The following KDM2B variants were observed in gnomAD, a reference collection of about 807,000 sequenced individuals.
KDM2B encodes the protein lysine-specific demethylase 2B.
A neutral mutation model predicts 150.0 loss-of-function variants in KDM2B; 26 were observed. The ratio of observed to expected loss-of-function variants is 0.17; its 90% CI spans 0.13 to 0.24. KDM2B has a LOEUF of 0.24. Among genes scored for constraint, KDM2B ranks in the 10% least tolerant of loss-of-function variants. The pLI is 1.00. For missense variants in KDM2B, 1,265 were observed against 1,816.9 expected, an observed-to-expected ratio of 0.70 and a Z score of 5.52; for synonymous variants, 734 against 729.5, an observed-to-expected ratio of 1.01 and a Z score of -0.10.
Position 121,453,331 on chromosome 12 carries a change from C to G in KDM2B, c.1748G>C (p.Gly583Ala). 6.3e-7 allele frequency: 1 copy of G among 1,580,702 alleles called. No homozygotes were observed. Among genetic ancestry groups the G allele is most frequent in the Non-Finnish European group, 8.6e-7 (1 of 1,163,086 alleles). ...PKKTPKNRAVGRPKGKLGPAS... is the reference protein window; with the variant it reads ...PKKTPKNRAVARPKGKLGPAS... ...CGGGCCCAGCTTCCCCTTGGGCCGA[C>G]CCACAGCCCGGTTCTGCAGGGGAAC... The change falls in exon 13 of 23, where the codon GGT becomes GCT. Residue 583 changes from glycine (G) to alanine (A), a missense_variant. By Grantham distance (60) the Gly-to-Ala change is moderately conservative (BLOSUM62 0). Coordinates refer to ENST00000377071, the MANE Select transcript of KDM2B (RefSeq NM_032590.5). The surrounding 1 kb of genome is among the most constrained non-coding windows in gnomAD (Gnocchi z 6.4).
chr12:121,482,427 T>C (rs1463257116), intron 12 of KDM2B, among the ~76,000 whole-genome samples: 8 of 152,168 alleles, frequency 5.3e-5, no homozygotes, highest in East Asian at 1.9e-4. Flanking sequence ...CTCAGCCTCC[T>C]GGGTAGCTGG....
chr12:121,538,677 C>G (rs1322203953), intron 6 of KDM2B, among the ~76,000 whole-genome samples: 3 of 152,208 alleles, frequency 2.0e-5, no homozygotes, highest in East Asian at 3.9e-4. Flanking sequence ...CACAACAACC[C>G]TAAAAAGTCA....
chr12:121,480,578 G>A (rs10849892), intron 12 of KDM2B, among the ~76,000 whole-genome samples: 57,740 of 115,124 alleles, frequency 0.5, 13,205 homozygotes, highest in Middle Eastern at 0.64. Context: ...AGACCCTGTC[G>A]CTACCAAAAA....
chr12:121,487,544 T>C (rs1414582555), intron 12 of KDM2B, among the ~76,000 whole-genome samples: 1 of 152,144 alleles, frequency 6.6e-6, no homozygotes, highest in African/African-American at 2.4e-5. Context: ...CATGTTGAGC[T>C]GCGCTCTTCC....
intron 11 of KDM2B, among the ~76,000 whole-genome samples, chr12:121,500,867 G>A (rs1224235632): frequency 2.6e-5 from 4 of 152,232 alleles, no homozygotes; most frequent in Admixed American, 6.5e-5. Context: ...TTGGGAGGCC[G>A]AGGCGGGCGG....
intron 17 of KDM2B, 100 bp from the exon 18 acceptor site, chr12:121,443,130 A>G: frequency 8.6e-7 from 1 of 1,159,060 alleles, no homozygotes; most frequent in Admixed American, 2.1e-5. Context: ...TCTCCAGAGG[A>G]GGGGCTGGAG....
In KDM2B at chr12:121,430,000, T is replaced by C. The variant is rs782396258; in HGVS notation, c.*288A>G. ...CTAAGCTCATGCTTCAGTATGAGAA[T>C]TTCTCCGAAGTCCACCCTCCTCTCC... On this transcript the variant is annotated 3_prime_UTR_variant, in exon 23 of 23. Transcript: ENST00000377071. The C allele has an allele frequency of 1.1e-6, 1 of 911,416 alleles. No individual in the cohort carries two copies. The highest frequency in any genetic ancestry group is 1.8e-5 in the Admixed American group (1 of 55,538). The allele number at this position is 911,416 out of a possible 1,614,324, so 56.5% of individuals were successfully genotyped here.
intron 11 of KDM2B, among the ~76,000 whole-genome samples, chr12:121,506,515 C>T (rs1885081048): frequency 6.6e-6 from 1 of 152,138 alleles, no homozygotes; most frequent in African/African-American, 2.4e-5. Flanking sequence ...AAAAGAGCCT[C>T]ATTAGACAAG....
At chr12:121,522,920 G>A (rs1343405897) in intron 8 of KDM2B, among the ~76,000 whole-genome samples, 2 of 152,204 alleles carry the variant, frequency 1.3e-5, no homozygotes, top group South Asian at 2.1e-4. Flanking sequence ...CCGGGAAGTC[G>A]GGCTCTGCAT....
Position 121,521,788 on chromosome 12 carries a change from A to T in KDM2B, c.932-688T>A, listed in dbSNP as rs1193708576. Among the ~76,000 whole-genome samples, 1 of 152,114 alleles carries T rather than the reference A, an allele frequency of 6.6e-6. No individual in the cohort carries two copies. Among genetic ancestry groups the T allele is most frequent in the African/African-American group, 2.4e-5 (1 of 41,428 alleles). On this transcript the variant is annotated intron_variant, in intron 8 of 22. Transcript: ENST00000377071. This position sits in a 1 kb window ranked among gnomAD's most constrained non-coding sequence, Gnocchi z 4.9. ...TCATCTCTCCAAACTCCTAGCCTGG[A>T]GCCAGACACAGTCACCATCACAAGG...
At chr12:121,536,754 T>G (rs1291954441) in intron 6 of KDM2B, among the ~76,000 whole-genome samples, 1 of 151,932 alleles carries the variant, frequency 6.6e-6, no homozygotes, top group African/African-American at 2.4e-5. Context: ...TCTAAGTATG[T>G]GCGGGGCGGA....
At position 121,518,309 on chromosome 12, in the gene KDM2B, C is replaced by G. The variant is rs1886400640; in HGVS notation, c.1047+2676G>C. Among the ~76,000 whole-genome samples, 1 of 152,218 alleles carries G rather than the reference C, an allele frequency of 6.6e-6. No individual in the cohort carries two copies. The highest frequency in any genetic ancestry group is 2.4e-5 in the African/African-American group (1 of 41,458). On this transcript the variant is annotated intron_variant, in intron 9 of 22. Transcript: ENST00000377071. The surrounding 1 kb of genome is among the most constrained non-coding windows in gnomAD (Gnocchi z 4.4). ...TGGCATCTTATCTGGTTCCAGAATTCTCTCCCCAGTGCCTTTTGTCTGCCT... is the reference window on the plus strand; with the variant it reads ...TGGCATCTTATCTGGTTCCAGAATTGTCTCCCCAGTGCCTTTTGTCTGCCT...
At chr12:121,493,237 C>A (rs185739338) in intron 12 of KDM2B, among the ~76,000 whole-genome samples, 1,561 of 151,508 alleles carry the variant, frequency 0.01, 24 homozygotes, top group African/African-American at 0.032. Flanking sequence ...CCAAAAAAAA[C>A]CCCAAAAAAA....
At position 121,482,589 on chromosome 12, in the gene KDM2B, C is replaced by T. The variant is rs149610770; in HGVS notation, c.1734+11990G>A. 5.7e-3 allele frequency among the ~76,000 whole-genome samples: 868 copies of T among 152,210 alleles called. 5 individuals are homozygous for T. The highest frequency in any genetic ancestry group is 0.02 in the African/African-American group (841 of 41,530). On this transcript the variant is annotated intron_variant, in intron 12 of 22. Transcript: ENST00000377071. ...TGCTGGGATTACAGGCGTGAGCCAC[C>T]GCACCCAGCCTTCTTAGTACTCTTC...
At chr12:121,511,158 A>T (rs1360558049) in intron 10 of KDM2B, among the ~76,000 whole-genome samples, 1 of 145,912 alleles carries the variant, frequency 6.9e-6, no homozygotes, top group Non-Finnish European at 1.5e-5. Flanking sequence ...TTACAGGTGA[A>T]CCACCACACC....
chr12:121,534,600 A>G lies in KDM2B; in HGVS notation c.684-10T>C. On this transcript the variant is annotated splice_polypyrimidine_tract_variant and intron_variant, in intron 6 of 22. Coordinates refer to ENST00000377071, the MANE Select transcript of KDM2B (RefSeq NM_032590.5). ...GCTCATCAGACAGTACCTGCAACACAGAGGCAGGGAGACAGAACACAAGTC... is the reference window on the plus strand; with the variant it reads ...GCTCATCAGACAGTACCTGCAACACGGAGGCAGGGAGACAGAACACAAGTC... 1 of 1,592,066 alleles carries G rather than the reference A, an allele frequency of 6.3e-7. No homozygotes were observed. Among genetic ancestry groups the G allele is most frequent in the Non-Finnish European group, 8.6e-7 (1 of 1,159,872 alleles).
At chr12:121,532,684 C>T in intron 8 of KDM2B, 122 bp downstream of exon 8, 2 of 1,012,234 alleles carry the variant, frequency 2.0e-6, no homozygotes, top group Non-Finnish European at 2.9e-6. Context: ...GGCTGGCTCC[C>T]CTCGGGGACT....
chr12:121,423,886 T>C, the KDM2B span: 4 of 288,262 alleles, frequency 1.4e-5, no homozygotes, highest in African/African-American at 2.2e-5. This position sits in a 1 kb window ranked among gnomAD's most constrained non-coding sequence, Gnocchi z 4.3. Context: ...AGGACACTTA[T>C]CCTGTTCTCT....
At chr12:121,522,831 G>C (rs140713304) in intron 8 of KDM2B, among the ~76,000 whole-genome samples, 3,347 of 152,304 alleles carry the variant, frequency 0.022, 95 homozygotes, top group South Asian at 0.14. Flanking sequence ...CTGGGAGACA[G>C]AGCCAAAAAC....
Sources: allele counts gnomAD v4.1 joint callset (sites outside exome capture counted in the v4.1 genomes callset), GRCh38; gene constraint gnomAD v4.1.1; non-coding constraint Gnocchi (gnomAD v3.1); transcripts MANE v1.5; gene names NCBI Gene and HGNC (gene_info 2026-07-23, HGNC 2026-07-21).